The following FRMD1 variants were observed in gnomAD, a reference collection of about 807,000 sequenced individuals.
The protein encoded by FRMD1 is FERM domain containing 1.
A neutral mutation model predicts 54.9 loss-of-function variants in FRMD1; 51 were observed. The observed-to-expected ratio is 0.93, with a 90% CI of 0.74 to 1.17. The LOEUF (loss-of-function observed/expected upper bound fraction) is 1.17, where lower values mean the gene tolerates loss of function less well. Among genes scored for constraint, FRMD1 ranks in the 50% most tolerant of loss-of-function variants. The probability of loss-of-function intolerance (pLI) is 0.00; values close to 1 mark genes in which losing one functional copy is unlikely to be tolerated. For missense variants in FRMD1, 729 were observed against 743.0 expected (o/e 0.98, Z 0.22); for synonymous variants, 324 against 306.4 (o/e 1.06, Z -0.60).
upstream of FRMD1, among the ~76,000 whole-genome samples, chr6:168,083,448 G>C (rs1479238329): frequency 6.6e-6 from 1 of 152,238 alleles, no homozygotes; most frequent in Non-Finnish European, 1.5e-5. Flanking sequence ...TCAGAGAAAG[G>C]AGCCGCTGTG....
chr6:168,057,575 C>T, intron 10 of FRMD1: 1 of 572,236 alleles, frequency 1.7e-6, no homozygotes, highest in Non-Finnish European at 3.1e-6. Flanking sequence ...AGCTTCTTTC[C>T]TGGGGCTGCT....
In FRMD1 at chr6:168,079,031, G is replaced by A. The variant is rs759270098; in HGVS notation, c.64C>T (p.Pro22Ser). Residue 22 changes from proline (P) to serine (S), a missense_variant, in exon 1 of 11, where the codon CCT (proline) becomes TCT (serine). Physicochemically the swap from Pro to Ser is moderately conservative, Grantham distance 74 (BLOSUM62 -1). Coordinates refer to ENST00000283309, the MANE Select transcript of FRMD1 (RefSeq NM_024919.6). ...GGTTCCATACATCGCGCCCCTGAAG[G>A]AGGGAACGTGTCAGGGTTTGTCCGG... Reference protein sequence around the residue: ...PARTNPDTFPPSGARCMEPSP... With the variant: ...PARTNPDTFPSSGARCMEPSP... 18 of 1,611,714 alleles carry A rather than the reference G, an allele frequency of 1.1e-5. No homozygotes were observed. The South Asian group carries it at 1.9e-4, about 17-fold the overall frequency.
upstream of FRMD1, among the ~76,000 whole-genome samples, chr6:168,086,272 G>A (rs571671654): frequency 3.1e-5 from 4 of 130,068 alleles, no homozygotes; most frequent in South Asian, 2.6e-4. Context: ...ATGGACACCC[G>A]CGTCCCCAGC....
At chr6:168,071,539 C>T (rs1048543764) in intron 2 of FRMD1, among the ~76,000 whole-genome samples, 8 of 152,158 alleles carry the variant, frequency 5.3e-5, no homozygotes, top group Non-Finnish European at 8.8e-5. Context: ...CCTGCAGAGG[C>T]GGATTCCTGG....
chr6:168,077,875 A>G (rs567671419), intron 1 of FRMD1, among the ~76,000 whole-genome samples: 1 of 152,322 alleles, frequency 6.6e-6, no homozygotes, highest in East Asian at 1.9e-4. Flanking sequence ...ACTACAGGAC[A>G]TCCCCCATTA....
intron 1 of FRMD1, among the ~76,000 whole-genome samples, chr6:168,087,203 A>G (rs1055767684): frequency 6.6e-6 from 1 of 151,946 alleles, no homozygotes; most frequent in African/African-American, 2.4e-5. Context: ...AGCAGCTGGG[A>G]CCACAGGCGG....
At chr6:168,061,704 A>T in intron 8 of FRMD1, 103 bp downstream of exon 8, 1 of 1,259,226 alleles carries the variant, frequency 7.9e-7, no homozygotes, top group South Asian at 1.5e-5. Context: ...AGGCCACAAC[A>T]ATAAGAGACA....
chr6:168,070,853 C>T (rs957858616), intron 2 of FRMD1, among the ~76,000 whole-genome samples: 1 of 152,218 alleles, frequency 6.6e-6, no homozygotes, highest in East Asian at 1.9e-4. Context: ...CATCTTGCTG[C>T]TGGAAGGGGA....
intron 1 of FRMD1, among the ~76,000 whole-genome samples, chr6:168,088,299 T>C (rs1237504302): frequency 6.6e-6 from 1 of 152,130 alleles, no homozygotes; most frequent in Non-Finnish European, 1.5e-5. Context: ...GGCCCCTGGG[T>C]GCTCGGGTTC....
intron 1 of FRMD1, among the ~76,000 whole-genome samples, chr6:168,076,836 G>A (rs190443575): frequency 6.6e-6 from 1 of 152,342 alleles, no homozygotes; most frequent in African/African-American, 2.4e-5. Flanking sequence ...GAATAACTGG[G>A]CTTGACACAT....
rs146122222 is a variant in FRMD1 at position 168,089,817 on chromosome 6, C to T, written c.-11-10793G>A. ...TCTGCTCCTAAAATCAGCGGGAAGC[C>T]GGGGCAGGTGAGGGAAAGCACGTGA... On this transcript the variant is annotated intron_variant, in intron 1 of 12. Coordinates refer to the FRMD1 transcript ENST00000644440. Among the ~76,000 whole-genome samples, 370 of 152,282 alleles carry T rather than the reference C, an allele frequency of 2.4e-3. 2 individuals carry two copies. The highest frequency in any genetic ancestry group is 8.4e-3 in the African/African-American group (350 of 41,564).
intron 5 of FRMD1, among the ~76,000 whole-genome samples, chr6:168,064,541 T>A (rs376731527): frequency 3.3e-5 from 5 of 152,184 alleles, no homozygotes; most frequent in African/African-American, 1.2e-4. Context: ...ACAAGGCCCG[T>A]GTGGGTCACA....
chr6:168,064,842 T>C (rs1238208946), intron 5 of FRMD1, 29 bp downstream of exon 5: 4 of 1,536,472 alleles, frequency 2.6e-6, no homozygotes, highest in Non-Finnish European at 3.5e-6. Context: ...AGACTAGCAG[T>C]GCTGGGAGGA....
At chr6:168,072,295 C>G (rs1167334345) in intron 2 of FRMD1, among the ~76,000 whole-genome samples, 1 of 151,950 alleles carries the variant, frequency 6.6e-6, no homozygotes, top group Non-Finnish European at 1.5e-5. Flanking sequence ...ACCCTCAGAA[C>G]CCCCCAACAC....
intron 2 of FRMD1, among the ~76,000 whole-genome samples, chr6:168,071,081 C>T (rs1054975590): frequency 2.6e-5 from 4 of 152,186 alleles, no homozygotes; most frequent in Admixed American, 6.5e-5. Context: ...TGTGACAGCA[C>T]GAGACTCCTG....
In FRMD1 at chr6:168,059,018, A is replaced by C. The variant is rs2114949789; in HGVS notation, c.1407+106T>G. On this transcript the variant is annotated intron_variant, in intron 10 of 10. Coordinates refer to ENST00000283309, the MANE Select transcript of FRMD1 (RefSeq NM_024919.6). This position sits in a 1 kb window ranked among gnomAD's most constrained non-coding sequence, Gnocchi z 4.4. ...CGTCTCTGGGGATGTCAGTCGAGGG[A>C]CCCTCTGATAGGCCTAGGAAGGTCC... is the stretch of plus-strand genomic sequence containing the variant. The C allele has an allele frequency of 1.2e-6, 1 of 828,040 alleles. No homozygotes were observed. The highest frequency in any genetic ancestry group is 2.7e-5 in the East Asian group (1 of 36,978). The allele number at this position is 828,040 out of a possible 1,614,324, so 51.3% of individuals were successfully genotyped here.
chr6:168,090,391 C>T (rs2880100), intron 1 of FRMD1, among the ~76,000 whole-genome samples: 100,105 of 152,066 alleles, frequency 0.66, 32,990 homozygotes, highest in Middle Eastern at 0.78. Context: ...CTGGCCTCAC[C>T]GTCTGCTCCC....
Position 168,062,928 on chromosome 6 carries a change from A to G in FRMD1, c.836T>C (p.Leu279Pro), listed in dbSNP as rs1799829016. The part of the protein sequence containing the change: ...DKKEGRPTVI[L>P]GLALRGVHIY... The stretch of plus-strand genomic sequence containing the variant: ...GTGCACTCCCCTGAGGGCCAGTCCC[A>G]GGATCACGGTGGGACGACCTTCCTT... The change falls in exon 7 of 11, where the codon CTG (leucine) becomes CCG (proline). Residue 279 changes from leucine to proline, a missense_variant. Transcript: ENST00000283309. The G allele has an allele frequency of 1.2e-6, 2 of 1,614,110 alleles. No homozygotes were observed. The highest frequency in any genetic ancestry group is 1.7e-6 in the Non-Finnish European group (2 of 1,179,976).
chr6:168,091,925 G>T (rs1801022404), intron 1 of FRMD1, among the ~76,000 whole-genome samples: 1 of 152,254 alleles, frequency 6.6e-6, no homozygotes, highest in Non-Finnish European at 1.5e-5. Context: ...GGTCAAGAGT[G>T]GCCAGTGGCC....
Sources: gnomAD v4.1 joint callset for allele counts (sites outside exome capture counted in the v4.1 genomes callset) on GRCh38, gnomAD v4.1.1 for gene constraint, Gnocchi (gnomAD v3.1) non-coding constraint, MANE v1.5 for transcripts, NCBI Gene and HGNC (gene_info 2026-07-23, HGNC 2026-07-21) for gene names.